Variants in ZNF30 observed in about 807,000 individuals in gnomAD.
ZNF30 encodes the protein zinc finger protein 30 (KOX 28).
In ZNF30, 15 loss-of-function variants were observed where a neutral mutation model predicts 13.2. The ratio of observed to expected loss-of-function variants is 1.13; its 90% CI spans 0.76 to 1.75. The LOEUF is 1.75. Ranked by LOEUF, ZNF30 falls within the 40% of genes most tolerant of loss-of-function variation. ZNF30 has a pLI of 0.00. For missense variants in ZNF30, 726 were observed against 757.0 expected, an observed-to-expected ratio of 0.96 and a Z score of 0.48; for synonymous variants, 223 against 256.6, an observed-to-expected ratio of 0.87 and a Z score of 1.25.
chr19:34,925,690 T>G (rs1389581412), upstream of ZNF30, among the ~76,000 whole-genome samples: 1 of 152,126 alleles, frequency 6.6e-6, no homozygotes, highest in Non-Finnish European at 1.5e-5. Context: ...CCTAGGTCAG[T>G]TGGCACAGGG....
Position 34,944,470 on chromosome 19 carries a change from CAT to C in ZNF30, c.1506_1507del (p.His502GlnfsTer7). 2 of 1,613,728 alleles carry C rather than the reference CAT, an allele frequency of 1.2e-6. No homozygotes were observed. Among genetic ancestry groups the C allele is most frequent in the Middle Eastern group, 1.7e-4 (1 of 6,054 alleles). ...TAGTCGAGCCTCGTACCTTGTACAA[CAT>C]AGCAGAATCCATACTGGTAAGAAGC... ...TFSRASYLVQHSRIHTGKKPY... is the reference protein window; with the variant it reads ...TFSRASYLVQXSRIHTGKKPY... On this transcript the variant is annotated frameshift_variant, in exon 5 of 5. Coordinates refer to ENST00000601142, the MANE Select transcript of ZNF30 (RefSeq NM_194325.3). LOFTEE classifies it low-confidence loss of function (END_TRUNC).
chr19:34,944,968 A>C lies in ZNF30; in HGVS notation c.*130A>C. 1.2e-6 allele frequency: 1 copy of C among 840,520 alleles called. No individual in the cohort carries two copies. Among genetic ancestry groups the C allele is most frequent in the Non-Finnish European group, 1.7e-6 (1 of 577,218 alleles). 52.1% of individuals were successfully genotyped at this position (840,520 alleles called of 1,614,324 possible). On this transcript the variant is annotated 3_prime_UTR_variant, in exon 5 of 5. Coordinates refer to ENST00000601142, the MANE Select transcript of ZNF30 (RefSeq NM_194325.3). ...GTCTATTCTCATCTTATAATTCATAATATAACTCAGAAAACATAAGAATAT... is the reference window on the plus strand; with the variant it reads ...GTCTATTCTCATCTTATAATTCATACTATAACTCAGAAAACATAAGAATAT...
rs569175638 is a variant in ZNF30 at position 34,938,146 on chromosome 19, G to A, written c.256+4423G>A. 2.0e-5 allele frequency among the ~76,000 whole-genome samples: 3 copies of A among 152,262 alleles called. No homozygotes were observed. The East Asian group carries it at 5.8e-4, about 29-fold the overall frequency. On this transcript the variant is annotated intron_variant, in intron 4 of 4. Transcript: ENST00000601142. ...AGGAGGAAATTTTCAGGGGCACCTA[G>A]GGGTGAAAGCCTGACTGGTCTGGTA...
chr19:34,935,746 GCT>G (rs1279650987), intron 4 of ZNF30, among the ~76,000 whole-genome samples: 3 of 64,580 alleles, frequency 4.6e-5, no homozygotes, highest in African/African-American at 1.1e-4. Flanking sequence ...TATCCTGTTT[GCT>G]CTGTTTTTAT....
At chr19:34,937,881 C>CTCTGCCTCCAAAATACAAATGAT (rs1181885622) in intron 4 of ZNF30, among the ~76,000 whole-genome samples, 8 of 152,268 alleles carry the variant, frequency 5.3e-5, no homozygotes, top group Admixed American at 2.0e-4. Context: ...TCACTGCATC[C>CTCTGCCTCCAAAATACAAATGAT]TCTGCCTCCA....
intron 4 of ZNF30, among the ~76,000 whole-genome samples, chr19:34,938,664 C>G (rs750838138): frequency 6.7e-6 from 1 of 150,122 alleles, no homozygotes; most frequent in East Asian, 1.9e-4. Flanking sequence ...GTCAAACACA[C>G]GAAAACCCAT....
intron 2 of ZNF30, among the ~76,000 whole-genome samples, chr19:34,930,754 T>G (rs1182514058): frequency 2.0e-5 from 3 of 152,092 alleles, no homozygotes; most frequent in Non-Finnish European, 4.4e-5. Context: ...TCCTAACTAC[T>G]TGGGACCCTC....
chr19:34,925,461 G>A (rs2012033977), upstream of ZNF30, among the ~76,000 whole-genome samples: 1 of 152,196 alleles, frequency 6.6e-6, no homozygotes, highest in Non-Finnish European at 1.5e-5. Flanking sequence ...CAAACTCCGC[G>A]TCCTTCTGGT....
rs2546005 is a variant in ZNF30, at chr19:34,937,728, T to A, written c.256+4005T>A. ...AGAGCAAGACCCCATCTCTTAAAAA[T>A]AAAAAAAAAAAATAGAAGAATGATC... is the stretch of plus-strand genomic sequence containing the variant. On this transcript the variant is annotated intron_variant, in intron 4 of 4. Transcript: ENST00000601142. Among the ~76,000 whole-genome samples the A allele has an allele frequency of 3.7e-3, 541 of 145,220 alleles. 4 individuals carry two copies. The highest frequency in any genetic ancestry group is 0.011 in the African/African-American group (436 of 40,342).
chr19:34,934,587 T>A (rs2012624260), intron 4 of ZNF30, among the ~76,000 whole-genome samples: 1 of 152,198 alleles, frequency 6.6e-6, no homozygotes, highest in Non-Finnish European at 1.5e-5. Flanking sequence ...TATTTTCTAA[T>A]GTAACTAGAA....
Position 34,928,220 on chromosome 19 carries a change from AATATATAT to A in ZNF30, c.-65+1032_-65+1039del, listed in dbSNP as rs374649415. Among the ~76,000 whole-genome samples, 17 of 73,418 alleles carry A rather than the reference AATATATAT, an allele frequency of 2.3e-4. 1 individual carries two copies. Among genetic ancestry groups the A allele is most frequent in the African/African-American group, 6.8e-4 (11 of 16,122 alleles). The allele number at this position is 73,418 out of a possible 152,430, so 48.2% of individuals were successfully genotyped here. A position where few individuals can be genotyped will look rare whatever the true frequency, so the allele number is the denominator to read the frequency against. On this transcript the variant is annotated intron_variant, in intron 1 of 4. Transcript: ENST00000601142. The stretch of plus-strand genomic sequence containing the variant: ...GAGATCCCTTCTCTAAAAAAAAAAA[AATATATAT>A]ATATATATATATATATATATATATA...
At chr19:34,941,422 G>C (rs1322879099) in intron 4 of ZNF30, among the ~76,000 whole-genome samples, 3 of 152,162 alleles carry the variant, frequency 2.0e-5, no homozygotes, top group Non-Finnish European at 2.9e-5. Flanking sequence ...CCGCCACCAT[G>C]CCCAGCTAAT....
At chr19:34,926,686 AG>A (rs1311218579), upstream of ZNF30, 1 of 346,850 alleles carries the variant, frequency 2.9e-6, no homozygotes, top group Non-Finnish European at 5.1e-6. Flanking sequence ...ATTTTGGTAT[AG>A]ATTATCATTT....
In ZNF30 at chr19:34,944,143, C is replaced by T. The variant is rs1210790965; in HGVS notation, c.1177C>T (p.Leu393Phe). The change falls in exon 5 of 5, where the codon CTT (leucine) becomes TTT (phenylalanine). Residue 393 changes from leucine to phenylalanine, a missense_variant. By Grantham distance (22) the Leu-to-Phe change is conservative. Coordinates refer to ENST00000601142, the MANE Select transcript of ZNF30 (RefSeq NM_194325.3). ...RASYLVQHGR[L>F]HTGEKPYECK... is the part of the protein sequence containing the mutation. ...CTCATATCTTGTTCAACATGGAAGA[C>T]TTCACACTGGCGAGAAGCCCTATGA... 6.2e-7 allele frequency: 1 copy of T among 1,611,998 alleles called. No homozygotes were observed. Among genetic ancestry groups the T allele is most frequent in the Non-Finnish European group, 8.5e-7 (1 of 1,179,288 alleles).
At chr19:34,926,824 C>CCAG (rs554004650), upstream of ZNF30, 39 of 396,346 alleles carry the variant, frequency 9.8e-5, no homozygotes, top group South Asian at 4.8e-3. Flanking sequence ...TCTATGGCTC[C>CCAG]CAGCAACTCG....
chr19:34,935,272 G>T (rs904548964), intron 4 of ZNF30, among the ~76,000 whole-genome samples: 1 of 151,832 alleles, frequency 6.6e-6, no homozygotes, highest in Non-Finnish European at 1.5e-5. Flanking sequence ...ATAAAATAAC[G>T]TCAGGCTTAC....
chr19:34,932,573 T>C (rs1450056880), intron 3 of ZNF30, among the ~76,000 whole-genome samples: 1 of 152,158 alleles, frequency 6.6e-6, no homozygotes. Flanking sequence ...TCTCTGCTCT[T>C]TATATTAATA....
chr19:34,939,330 C>T lies in ZNF30; in HGVS notation c.257-3893C>T, dbSNP rs567798061. On this transcript the variant is annotated intron_variant, in intron 4 of 4. Coordinates refer to ENST00000601142, the MANE Select transcript of ZNF30 (RefSeq NM_194325.3). ...CGGAGTAGCTGGGCTTACAGGCATGCACCACCACACTGGATAATTTTGTAT... is the reference window on the plus strand; with the variant it reads ...CGGAGTAGCTGGGCTTACAGGCATGTACCACCACACTGGATAATTTTGTAT... Among the ~76,000 whole-genome samples, 4 of 152,134 alleles carry T rather than the reference C, an allele frequency of 2.6e-5. No homozygotes were observed. In the East Asian group the frequency reaches 7.7e-4, roughly 29 times the overall value.
At position 34,943,208 on chromosome 19, in the gene ZNF30, A is replaced by T. The variant is rs1356059163; in HGVS notation, c.257-15A>T. 1 of 1,438,152 alleles carries T rather than the reference A, an allele frequency of 7.0e-7. No individual in the cohort carries two copies. 89.1% of individuals were successfully genotyped at this position (1,438,152 alleles called of 1,614,324 possible). ...TCAAATAGAAAAATAAGATATTTTT[A>T]AAATTTTCTTTCAGATTTGCAGTTG... On this transcript the variant is annotated splice_polypyrimidine_tract_variant and intron_variant, in intron 4 of 4. Coordinates refer to ENST00000601142, the MANE Select transcript of ZNF30 (RefSeq NM_194325.3).
Sources: gnomAD v4.1 joint callset for allele counts (sites outside exome capture counted in the v4.1 genomes callset) on GRCh38, gnomAD v4.1.1 for gene constraint, MANE v1.5 for transcripts, NCBI Gene and HGNC (gene_info 2026-07-23, HGNC 2026-07-21) for gene names.